The following ADAMTS6 variants were observed in gnomAD, a reference collection of about 807,000 sequenced individuals.
The protein encoded by ADAMTS6 is ADAM metallopeptidase with thrombospondin type 1 motif 6.
Under a neutral mutation model 144.3 loss-of-function variants are expected in ADAMTS6, and 23 were observed. That is an observed-to-expected ratio of 0.16 (90% CI 0.11 to 0.23). The LOEUF is 0.23. Ranked by LOEUF, ADAMTS6 falls within the 10% of genes least tolerant of loss-of-function variation. The pLI is 1.00. For synonymous variants in ADAMTS6, 444 were observed against 457.5 expected (o/e 0.97, Z 0.38); for missense variants, 999 against 1,379.6 (o/e 0.72, Z 4.37).
chr5:65,238,530 G>A (rs1013823278), intron 15 of ADAMTS6, among the ~76,000 whole-genome samples: 2 of 151,842 alleles, frequency 1.3e-5, no homozygotes, highest in African/African-American at 2.4e-5. Context: ...AGCCCAGGAG[G>A]TGGAGGTTTC....
At chr5:65,222,340 C>G (rs1280846596) in intron 18 of ADAMTS6, among the ~76,000 whole-genome samples, 1 of 152,094 alleles carries the variant, frequency 6.6e-6, no homozygotes, top group Non-Finnish European at 1.5e-5. Context: ...ACAAATGTGT[C>G]AGGGTAATTC....
intron 7 of ADAMTS6, among the ~76,000 whole-genome samples, chr5:65,381,634 C>G (rs1356473886): frequency 6.6e-6 from 1 of 150,760 alleles, no homozygotes; most frequent in Non-Finnish European, 1.5e-5. Flanking sequence ...GATCCACCCA[C>G]CTTGGCCTCC....
intron 20 of ADAMTS6, among the ~76,000 whole-genome samples, chr5:65,206,699 C>CAAA (rs11296295): frequency 2.3e-3 from 180 of 77,810 alleles, no homozygotes; most frequent in African/African-American, 7.8e-3. Flanking sequence ...GACTCCATCT[C>CAAA]AAAAAAAAAA....
In ADAMTS6 at chr5:65,408,647, A is replaced by T. The variant is rs529431741; in HGVS notation, c.1073+42828T>A. On this transcript the variant is annotated intron_variant, in intron 7 of 24. Transcript: ENST00000381055. ...TTGAACTCAGCTCTGCACCAAGCAGACCTAATAGACATCTACAGAACTCTC... is the reference window on the plus strand; with the variant it reads ...TTGAACTCAGCTCTGCACCAAGCAGTCCTAATAGACATCTACAGAACTCTC... Among the ~76,000 whole-genome samples the T allele has an allele frequency of 4.6e-5, 7 of 152,322 alleles. No homozygotes were observed. In the South Asian group the frequency reaches 1.4e-3, roughly 32 times the overall value.
rs763986980 is a variant in ADAMTS6, at chr5:65,197,035, G to A, written c.2692C>T (p.Pro898Ser). ...PENQRACNTE[P>S]CPPEWFIGDW... ...TCCCTTACTTACTCAGGTGGGCAGGGCTCAGTGTTGCAGGCTCTTTGATTT... is the reference window on the plus strand; with the variant it reads ...TCCCTTACTTACTCAGGTGGGCAGGACTCAGTGTTGCAGGCTCTTTGATTT... Residue 898 changes from proline (P) to serine (S), a missense_variant, in exon 21 of 25, where the codon CCC becomes TCC. Transcript: ENST00000381055. 2 of 1,612,932 alleles carry A rather than the reference G, an allele frequency of 1.2e-6. No individual in the cohort carries two copies. Among genetic ancestry groups the A allele is most frequent in the Non-Finnish European group, 1.7e-6 (2 of 1,179,306 alleles).
intron 21 of ADAMTS6, among the ~76,000 whole-genome samples, chr5:65,193,690 AC>A: frequency 6.6e-6 from 1 of 152,166 alleles, no homozygotes; most frequent in South Asian, 2.1e-4. Flanking sequence ...TCAAAGACTA[AC>A]ATGTGCTTCC....
At chr5:65,398,909 C>T (rs1753680878) in intron 7 of ADAMTS6, among the ~76,000 whole-genome samples, 1 of 152,016 alleles carries the variant, frequency 6.6e-6, no homozygotes, top group Non-Finnish European at 1.5e-5. Flanking sequence ...CTTTGTTTTG[C>T]TTAGGACTGG....
chr5:65,371,604 A>C (rs1750924090), intron 7 of ADAMTS6, among the ~76,000 whole-genome samples: 1 of 152,214 alleles, frequency 6.6e-6, no homozygotes, highest in African/African-American at 2.4e-5. Flanking sequence ...AAAGCCTCCA[A>C]GAAATATGGG....
At chr5:65,251,677 A>T (rs991405078) in intron 14 of ADAMTS6, 2 of 152,230 alleles carry the variant, frequency 1.3e-5, no homozygotes, top group African/African-American at 4.8e-5. Context: ...CATCCAACAC[A>T]TCCTGATGCA....
chr5:65,216,743 G>C (rs924142179), intron 18 of ADAMTS6, among the ~76,000 whole-genome samples: 1 of 150,070 alleles, frequency 6.7e-6, no homozygotes, highest in African/African-American at 2.5e-5. Context: ...AATATTGATA[G>C]ATAAACATGC....
intron 6 of ADAMTS6, 40 bp from the exon 7 acceptor site, chr5:65,451,660 T>C: frequency 1.2e-6 from 2 of 1,605,764 alleles, no homozygotes; most frequent in Non-Finnish European, 1.7e-6. Flanking sequence ...TCCAAACAAA[T>C]TACTAAGGTC....
intron 24 of ADAMTS6, among the ~76,000 whole-genome samples, chr5:65,169,892 G>A (rs1171042656): frequency 8.8e-6 from 1 of 114,060 alleles, no homozygotes; most frequent in Non-Finnish European, 1.6e-5. Context: ...GTGGTGGGGA[G>A]GGGGGAGGGG....
chr5:65,466,833 G>C (rs1466410928), intron 3 of ADAMTS6, among the ~76,000 whole-genome samples: 1 of 152,154 alleles, frequency 6.6e-6, no homozygotes, highest in South Asian at 2.1e-4. Context: ...ACGAGGTCAG[G>C]AGATCGAGAC....
At chr5:65,463,452 T>C (rs1005293833) in intron 3 of ADAMTS6, among the ~76,000 whole-genome samples, 1 of 152,176 alleles carries the variant, frequency 6.6e-6, no homozygotes, top group Non-Finnish European at 1.5e-5. Context: ...AACCAGATGA[T>C]GGAGGGCCTG....
intron 7 of ADAMTS6, among the ~76,000 whole-genome samples, chr5:65,345,689 T>C (rs1012418300): frequency 9.9e-5 from 15 of 151,816 alleles, no homozygotes; most frequent in African/African-American, 3.6e-4. Context: ...TGGAGTACAA[T>C]TTATTAGACT....
At chr5:65,158,860 C>A (rs756804569) in intron 24 of ADAMTS6, among the ~76,000 whole-genome samples, 1 of 152,164 alleles carries the variant, frequency 6.6e-6, no homozygotes, top group Admixed American at 6.5e-5. Flanking sequence ...TTTTTTGAAA[C>A]CCTGCTTCTG....
intron 12 of ADAMTS6, among the ~76,000 whole-genome samples, chr5:65,266,003 A>T (rs1761596302): frequency 6.6e-6 from 1 of 151,496 alleles, no homozygotes; most frequent in Admixed American, 6.6e-5. Context: ...TTTTTTTTTT[A>T]AACACAGCTG....
intron 10 of ADAMTS6, among the ~76,000 whole-genome samples, chr5:65,293,871 C>G (rs1561388541): frequency 6.6e-6 from 1 of 152,146 alleles, no homozygotes; most frequent in Non-Finnish European, 1.5e-5. Context: ...AAGTCTTGTT[C>G]TCCTTTTCCA....
At position 65,149,064 on chromosome 5, in the gene ADAMTS6, A is replaced by C. The variant is rs1017177850; in HGVS notation, c.*2772T>G. ...ATTCAAACAAAAAAGTTCCTAATGAAATGGACTATTTGGAAATCATATGTA... is the reference window on the plus strand; with the variant it reads ...ATTCAAACAAAAAAGTTCCTAATGACATGGACTATTTGGAAATCATATGTA... On this transcript the variant is annotated 3_prime_UTR_variant, in exon 25 of 25. Coordinates refer to ENST00000381055, the MANE Select transcript of ADAMTS6 (RefSeq NM_197941.4). 5 of 152,690 alleles carry C rather than the reference A, an allele frequency of 3.3e-5. No homozygotes were observed. The highest frequency in any genetic ancestry group is 5.9e-5 in the Non-Finnish European group (4 of 68,050). The allele number at this position is 152,690 out of a possible 1,614,324, so 9.5% of individuals were successfully genotyped here.
Sources: allele counts gnomAD v4.1 joint callset (sites outside exome capture counted in the v4.1 genomes callset), GRCh38; gene constraint gnomAD v4.1.1; transcripts MANE v1.5; gene names NCBI Gene and HGNC (gene_info 2026-07-23, HGNC 2026-07-21).